The following LRRTM3 variants were observed in gnomAD, a reference collection of about 807,000 sequenced individuals.
LRRTM3 encodes leucine-rich repeat transmembrane neuronal protein 3.
Under a neutral mutation model 44.7 loss-of-function variants are expected in LRRTM3, and 24 were observed. The observed-to-expected ratio is 0.54, with a 90% CI of 0.39 to 0.76. The LOEUF (loss-of-function observed/expected upper bound fraction) is 0.76, where lower values mean the gene tolerates loss of function less well. LRRTM3 is among the 30% of genes least tolerant of loss of function. The pLI, the probability that LRRTM3 is intolerant of heterozygous loss-of-function variation, is 0.00. For missense variants in LRRTM3, 587 were observed against 702.2 expected, an observed-to-expected ratio of 0.84 and a Z score of 1.85; for synonymous variants, 277 against 278.7, an observed-to-expected ratio of 0.99 and a Z score of 0.06.
At chr10:67,095,452 A>G (rs1857930256) in intron 2 of LRRTM3, among the ~76,000 whole-genome samples, 1 of 151,828 alleles carries the variant, frequency 6.6e-6, no homozygotes, top group African/African-American at 2.4e-5. Context: ...TGGGATTTTT[A>G]AAACAGATCA....
At chr10:67,076,407 G>A (rs1856752693) in intron 2 of LRRTM3, among the ~76,000 whole-genome samples, 1 of 152,196 alleles carries the variant, frequency 6.6e-6, no homozygotes, top group Non-Finnish European at 1.5e-5. Flanking sequence ...AAGGAGCAAA[G>A]TCCACCTGCA....
chr10:67,039,247 T>C (rs913580397), intron 2 of LRRTM3, among the ~76,000 whole-genome samples: 1 of 152,168 alleles, frequency 6.6e-6, no homozygotes, highest in Non-Finnish European at 1.5e-5. Flanking sequence ...GTGTAGCAGA[T>C]GTATAGAACT....
rs571682145 is a variant in LRRTM3, at chr10:66,926,700, G to A, written c.4+113G>A. 6 of 1,271,972 alleles carry A rather than the reference G, an allele frequency of 4.7e-6. No individual in the cohort carries two copies. The African/African-American group carries it at 6.0e-5, about 13-fold the overall frequency. 78.8% of individuals were successfully genotyped at this position (1,271,972 alleles called of 1,614,324 possible). On this transcript the variant is annotated intron_variant, in intron 1 of 2. Coordinates refer to ENST00000361320, the MANE Select transcript of LRRTM3 (RefSeq NM_178011.5). ...TAGAGATTACCTTGCTCTGCTCTAA[G>A]ACTATGAATTTATTTGCTTAGTGGC... is the stretch of plus-strand genomic sequence containing the variant.
chr10:66,929,609 G>A (rs1172818870), intron 2 of LRRTM3, among the ~76,000 whole-genome samples: 1 of 152,092 alleles, frequency 6.6e-6, no homozygotes, highest in African/African-American at 2.4e-5. Context: ...TGTATAAAAC[G>A]AATCTTAGAG....
At chr10:66,956,846 C>A (rs1342739480) in intron 2 of LRRTM3, among the ~76,000 whole-genome samples, 1 of 152,188 alleles carries the variant, frequency 6.6e-6, no homozygotes, top group Non-Finnish European at 1.5e-5. Flanking sequence ...TTAATCCTAA[C>A]CCTTAGGAGA....
intron 2 of LRRTM3, among the ~76,000 whole-genome samples, chr10:67,065,084 G>A (rs1855994549): frequency 6.6e-6 from 1 of 152,098 alleles, no homozygotes; most frequent in Non-Finnish European, 1.5e-5. Flanking sequence ...CCCGAAAACA[G>A]AGCAATGCCC....
chr10:66,938,085 GCAAA>G (rs1564780481), intron 2 of LRRTM3, among the ~76,000 whole-genome samples: 2 of 152,084 alleles, frequency 1.3e-5, no homozygotes, highest in Non-Finnish European at 1.5e-5. Context: ...AGTTATTATT[GCAAA>G]CAATCTACAG....
chr10:66,951,916 T>G (rs1453538254), intron 2 of LRRTM3, among the ~76,000 whole-genome samples: 1 of 152,152 alleles, frequency 6.6e-6, no homozygotes, highest in African/African-American at 2.4e-5. Context: ...ACAGTGAACC[T>G]TCATCTTTAA....
intron 2 of LRRTM3, among the ~76,000 whole-genome samples, chr10:67,085,443 A>G (rs550442603): frequency 6.6e-6 from 1 of 152,034 alleles, no homozygotes; most frequent in South Asian, 2.1e-4. Flanking sequence ...AGACACTGAG[A>G]AGAGCTATTC....
chr10:66,984,951 G>T (rs2132901341), intron 2 of LRRTM3, among the ~76,000 whole-genome samples: 1 of 152,052 alleles, frequency 6.6e-6, no homozygotes, highest in South Asian at 2.1e-4. Context: ...CACCTGCCTA[G>T]ATCCCACCCT....
chr10:66,927,987 C>T lies in LRRTM3; in HGVS notation c.1071C>T (p.Asn357=). 2.5e-6 allele frequency: 4 copies of T among 1,614,234 alleles called. No individual in the cohort carries two copies. Among genetic ancestry groups the T allele is most frequent in the Non-Finnish European group, 3.4e-6 (4 of 1,180,050 alleles). ...TAAATGTGATCGATGCAGTGAAGAA[C>T]TACAGCATCTGTGGCAAAAGTACTA... ...QGVNVIDAVK[N]YSICGKSTTE... The change falls in exon 2 of 3, where the codon AAC becomes AAT. Residue 357 remains asparagine (N), a synonymous_variant. Transcript: ENST00000361320. The surrounding 1 kb of genome is among the most constrained non-coding windows in gnomAD (Gnocchi z 4.7).
Position 67,099,783 on chromosome 10 carries a change from T to G in LRRTM3, c.*1987T>G, listed in dbSNP as rs1256086883. 2 of 152,088 alleles carry G rather than the reference T, an allele frequency of 1.3e-5. No homozygotes were observed. Among genetic ancestry groups the G allele is most frequent in the African/African-American group, 2.4e-5 (1 of 41,394 alleles). 9.4% of individuals were successfully genotyped at this position (152,088 alleles called of 1,614,324 possible). The stretch of plus-strand genomic sequence containing the variant: ...ATAAATTATTTGCTCTTCAAAAATT[T>G]TTGTCATTTTAAATCTAATTTTAAT... On this transcript the variant is annotated 3_prime_UTR_variant, in exon 3 of 3. Coordinates refer to ENST00000361320, the MANE Select transcript of LRRTM3 (RefSeq NM_178011.5).
chr10:67,027,387 A>C (rs1853455286), intron 2 of LRRTM3, among the ~76,000 whole-genome samples: 1 of 150,892 alleles, frequency 6.6e-6, no homozygotes, highest in Non-Finnish European at 1.5e-5. Flanking sequence ...AATATTAAAT[A>C]CCTATATTTC....
intron 2 of LRRTM3, among the ~76,000 whole-genome samples, chr10:66,941,398 G>A (rs922446364): frequency 1.3e-5 from 2 of 152,160 alleles, no homozygotes; most frequent in African/African-American, 4.8e-5. Context: ...TTGCAACTAG[G>A]CACTGCCAGG....
rs1344625970 is a variant in LRRTM3 at position 66,956,560 on chromosome 10, G to A, written c.1536+28108G>A. Among the ~76,000 whole-genome samples the A allele has an allele frequency of 2.0e-5, 3 of 152,130 alleles. No individual in the cohort carries two copies. The East Asian group carries it at 5.8e-4, about 29-fold the overall frequency. ...CAAGCTTTGCAGGCAGCTAGTAAGA[G>A]TTGTCAGTTCCCTCCAGTGAAATGT... On this transcript the variant is annotated intron_variant, in intron 2 of 2. Coordinates refer to ENST00000361320, the MANE Select transcript of LRRTM3 (RefSeq NM_178011.5).
intron 2 of LRRTM3, among the ~76,000 whole-genome samples, chr10:66,979,228 A>G (rs747875650): frequency 4.0e-4 from 61 of 152,144 alleles, no homozygotes; most frequent in Non-Finnish European, 6.0e-4. Flanking sequence ...TCGGCCTCCC[A>G]AAGTGCTGGG....
chr10:67,032,601 A>G (rs1312925854), intron 2 of LRRTM3, among the ~76,000 whole-genome samples: 3 of 152,210 alleles, frequency 2.0e-5, no homozygotes, highest in Admixed American at 6.5e-5. Context: ...GACAGATGTT[A>G]TTGATGTAAT....
intron 2 of LRRTM3, among the ~76,000 whole-genome samples, chr10:66,967,360 A>T (rs1162049485): frequency 6.6e-6 from 1 of 151,734 alleles, no homozygotes. Context: ...AGATAGATAG[A>T]TATATGTAGA....
intron 2 of LRRTM3, among the ~76,000 whole-genome samples, chr10:67,054,382 TAAGTGACC>T (rs927045512): frequency 5.1e-4 from 77 of 152,264 alleles, no homozygotes; most frequent in Admixed American, 3.3e-3. Context: ...CACACAAAGC[TAAGTGACC>T]AATGAGGACA....
Sources: allele counts gnomAD v4.1 joint callset (sites outside exome capture counted in the v4.1 genomes callset), GRCh38; gene constraint gnomAD v4.1.1; non-coding constraint Gnocchi (gnomAD v3.1); transcripts MANE v1.5; gene names NCBI Gene and HGNC (gene_info 2026-07-23, HGNC 2026-07-21).